Variants in POLB observed in about 807,000 individuals in gnomAD.
POLB encodes the protein DNA polymerase beta.
Under a neutral mutation model 52.7 loss-of-function variants are expected in POLB, and 37 were observed. The ratio of observed to expected loss-of-function variants is 0.70; its 90% confidence interval spans 0.54 to 0.92. The LOEUF (loss-of-function observed/expected upper bound fraction) is 0.92, where lower values mean the gene tolerates loss of function less well. Among genes scored for constraint, POLB ranks in the 40% least tolerant of loss-of-function variants. POLB has a pLI of 0.00. For missense variants in POLB, 313 were observed against 400.8 expected (o/e 0.78, Z 1.87); for synonymous variants, 138 against 131.3 (o/e 1.05, Z -0.35).
chr8:42,338,575 G>T lies in POLB; in HGVS notation c.-50G>T. The T allele has an allele frequency of 2.6e-6, 4 of 1,531,174 alleles. No individual in the cohort carries two copies. Among genetic ancestry groups the T allele is most frequent in the African/African-American group, 1.4e-5 (1 of 73,404 alleles). The allele number at this position is 1,531,174 out of a possible 1,614,324, so 94.8% of individuals were successfully genotyped here. Reference sequence around the variant, plus strand: ...GGTACCTCCTTCAAGCTGGGAGAGGGCTCTAGTCCCTGGTTCTGAACACTC... The same window carrying T: ...GGTACCTCCTTCAAGCTGGGAGAGGTCTCTAGTCCCTGGTTCTGAACACTC... On this transcript the variant is annotated 5_prime_UTR_variant, in exon 1 of 14. Coordinates refer to ENST00000265421, the MANE Select transcript of POLB (RefSeq NM_002690.3).
At position 42,370,101 on chromosome 8, in the gene POLB, T is replaced by C. The variant is rs548607041; in HGVS notation, c.913+113T>C. 9 of 838,140 alleles carry C rather than the reference T, an allele frequency of 1.1e-5. No individual in the cohort carries two copies. In the African/African-American group the frequency reaches 1.3e-4, roughly 12 times the overall value. The allele number at this position is 838,140 out of a possible 1,614,324, so 51.9% of individuals were successfully genotyped here. A position where few individuals can be genotyped will look rare whatever the true frequency, so the allele number is the denominator to read the frequency against. ...TAACTATGCCAGTTAGTGTAGTTTC[T>C]TTGTATTTTTAGTCCTTCAGGCAAC... On this transcript the variant is annotated intron_variant, in intron 13 of 13. Transcript: ENST00000265421.
intron 10 of POLB, among the ~76,000 whole-genome samples, 157 bp from the exon 11 acceptor site, chr8:42,362,455 G>A (rs908156584): frequency 1.3e-5 from 2 of 152,066 alleles, no homozygotes; most frequent in Non-Finnish European, 2.9e-5. Flanking sequence ...GAGTCCAGGA[G>A]TTCAAGGCTA....
rs774433675 is a variant in POLB at position 42,350,050 on chromosome 8, G to A, written c.305G>A (p.Arg102Gln). The A allele has an allele frequency of 9.4e-6, 15 of 1,601,908 alleles. No homozygotes were observed. The highest frequency in any genetic ancestry group is 1.3e-5 in the Non-Finnish European group (15 of 1,169,212). ...DTSSSINFLT[R>Q]VSGIGPSAAR... ...AGTTCATCCATCAATTTCCTGACTC[G>A]AGTTAGTGGCATTGGGTAAGAACTA... Residue 102 changes from arginine to glutamine, a missense_variant, in exon 5 of 14, where the codon CGA (arginine) becomes CAA (glutamine). Coordinates refer to ENST00000265421, the MANE Select transcript of POLB (RefSeq NM_002690.3).
intron 4 of POLB, 80 bp from the exon 5 acceptor site, chr8:42,349,927 A>T: frequency 4.2e-6 from 4 of 950,412 alleles, no homozygotes; most frequent in Non-Finnish European, 6.8e-6. Context: ...GTCTTTTAGC[A>T]GACTGGTATG....
rs553756137 is a variant in POLB at position 42,357,398 on chromosome 8, A to T, written c.550+6A>T. The T allele has an allele frequency of 1.4e-6, 2 of 1,477,570 alleles. No homozygotes were observed. The highest frequency in any genetic ancestry group is 1.9e-6 in the Non-Finnish European group (2 of 1,060,182). 91.5% of individuals were successfully genotyped at this position (1,477,570 alleles called of 1,614,324 possible). ...CTGTGGCAGTTTCAGAAGAGGTAAC[A>T]TACTTCCTAATCTTGGGTTATTTTT... On this transcript the variant is annotated splice_donor_region_variant and intron_variant, in intron 9 of 13. Coordinates refer to ENST00000265421, the MANE Select transcript of POLB (RefSeq NM_002690.3).
intron 6 of POLB, chr8:42,354,556 T>C: frequency 2.1e-6 from 2 of 948,784 alleles, no homozygotes; most frequent in Non-Finnish European, 3.0e-6. Context: ...TGGAATTTTT[T>C]TTTGTTTTGA....
At chr8:42,364,960 GTC>G (rs1240630692) in intron 11 of POLB, among the ~76,000 whole-genome samples, 1 of 152,092 alleles carries the variant, frequency 6.6e-6, no homozygotes, top group Non-Finnish European at 1.5e-5. Flanking sequence ...AGTGGCTCAT[GTC>G]TATAATCCCA....
rs764163491 is a variant in POLB at position 42,349,022 on chromosome 8, G to T, written c.193G>T (p.Val65Leu). 1.9e-6 allele frequency: 3 copies of T among 1,587,860 alleles called. No individual in the cohort carries two copies. Among genetic ancestry groups the T allele is most frequent in the Non-Finnish European group, 2.6e-6 (3 of 1,157,564 alleles). The change falls in exon 4 of 14, where the codon GTA becomes TTA. Residue 65 changes from valine to leucine, a missense_variant. Val to Leu is a conservative substitution (Grantham distance 32). Transcript: ENST00000265421. ...TTTCTAATTTTCCATGTAGCCTGGA[G>T]TAGGAACAAAAATTGCTGAAAAGAT... ...SGAEAKKLPG[V>L]GTKIAEKIDE...
intron 2 of POLB, chr8:42,342,059 T>G (rs557833137): frequency 2.3e-6 from 2 of 883,922 alleles, no homozygotes; most frequent in African/African-American, 3.3e-5. Context: ...TATGTTGTGC[T>G]TCTGGTGTAA....
intron 4 of POLB, chr8:42,349,325 T>A: frequency 2.8e-6 from 1 of 359,230 alleles, no homozygotes; most frequent in South Asian, 6.8e-5. Flanking sequence ...TCGTTTTCAG[T>A]ACTATTCAGA....
chr8:42,342,777 A>G (rs753831951), intron 2 of POLB: 18 of 327,612 alleles, frequency 5.5e-5, no homozygotes, highest in Non-Finnish European at 6.3e-5. Flanking sequence ...GGTGGATGGC[A>G]TGAACCCAGG....
intron 9 of POLB, among the ~76,000 whole-genome samples, chr8:42,360,210 G>A (rs1823589946): frequency 1.3e-5 from 2 of 151,892 alleles, no homozygotes; most frequent in African/African-American, 4.8e-5. Flanking sequence ...GCCCACCTTG[G>A]CCTCCCAAAG....
intron 13 of POLB, 93 bp downstream of exon 13, chr8:42,370,081 A>T: frequency 1.1e-6 from 1 of 934,526 alleles, no homozygotes; most frequent in Non-Finnish European, 1.7e-6. Context: ...TCTAATAACT[A>T]TGCCAGTTAG....
chr8:42,347,525 T>C (rs1822710631), intron 3 of POLB, among the ~76,000 whole-genome samples: 1 of 152,012 alleles, frequency 6.6e-6, no homozygotes, highest in African/African-American at 2.4e-5. Flanking sequence ...CTGTTACTTC[T>C]CAGTAATTCT....
At chr8:42,369,791 T>A in intron 12 of POLB, 58 bp from the exon 13 acceptor site, 2 of 1,192,066 alleles carry the variant, frequency 1.7e-6, no homozygotes, top group Non-Finnish European at 2.4e-6. Flanking sequence ...AGGAGTCCTA[T>A]ATTTGCTAAA....
chr8:42,357,201 G>T lies in POLB; in HGVS notation c.455G>T (p.Arg152Leu), dbSNP rs368102815. 1.3e-6 allele frequency: 2 copies of T among 1,554,456 alleles called. No homozygotes were observed. The highest frequency in any genetic ancestry group is 1.8e-6 in the Non-Finnish European group (2 of 1,126,902). The change falls in exon 8 of 14, where the codon CGT (arginine) becomes CTT (leucine). Residue 152 changes from arginine (R) to leucine (L), a missense_variant. Arg to Leu is a moderately radical substitution (Grantham distance 102). This residue lies in a region of POLB where 246 missense variants were observed against 297.6 expected (regional missense o/e 0.83). Coordinates refer to ENST00000265421, the MANE Select transcript of POLB (RefSeq NM_002690.3). ...YFGDFEKRIPREEMLQMQDIV... is the reference protein window; with the variant it reads ...YFGDFEKRIPLEEMLQMQDIV... The stretch of plus-strand genomic sequence containing the variant: ...GGGGACTTTGAAAAAAGAATTCCTC[G>T]TGAAGAGATGTTACAAATGCAAGTA...
chr8:42,355,410 T>G, intron 6 of POLB, 106 bp from the exon 7 acceptor site: 1 of 669,434 alleles, frequency 1.5e-6, no homozygotes, highest in Non-Finnish European at 2.7e-6. Flanking sequence ...CATTTCAATG[T>G]ATTTGTTCCC....
intron 13 of POLB, among the ~76,000 whole-genome samples, chr8:42,370,693 G>C (rs1409759618): frequency 1.3e-5 from 2 of 152,088 alleles, no homozygotes; most frequent in Non-Finnish European, 2.9e-5. Flanking sequence ...CTAGATCAGA[G>C]GTTACCAATC....
intron 6 of POLB, chr8:42,354,318 G>A: frequency 4.8e-6 from 2 of 417,516 alleles, no homozygotes; most frequent in South Asian, 1.8e-5. Context: ...TATTTTTCTC[G>A]ATTTTATATC....
Sources: gnomAD v4.1 joint callset for allele counts (sites outside exome capture counted in the v4.1 genomes callset) on GRCh38, gnomAD v4.1.1 for gene constraint, gnomAD v4.1.1 regional missense constraint, MANE v1.5 for transcripts, NCBI Gene and HGNC (gene_info 2026-07-23, HGNC 2026-07-21) for gene names.